LHFPL1: variants seen among roughly 807,000 people sequenced by gnomAD.
The protein encoded by LHFPL1 is LHFPL tetraspan subfamily member 1 protein.
In LHFPL1, 4 loss-of-function variants were observed where a neutral mutation model predicts 12.1. The ratio of observed to expected loss-of-function variants is 0.33; its 90% confidence interval spans 0.16 to 0.76. The LOEUF is 0.76. Ranked by LOEUF, LHFPL1 falls within the 30% of genes least tolerant of loss-of-function variation. The probability of loss-of-function intolerance (pLI) is 0.61; values close to 1 mark genes in which losing one functional copy is unlikely to be tolerated. For synonymous variants in LHFPL1, 52 were observed against 61.9 expected (o/e 0.84, Z 0.75); for missense variants, 141 against 174.1 (o/e 0.81, Z 1.07).
intron 3 of LHFPL1, among the ~76,000 whole-genome samples, chrX:112,645,422 GGAT>G (rs1284914754): frequency 1.1e-4 from 12 of 111,136 alleles, no homozygotes; most frequent in Admixed American, 2.9e-4. Context: ...ACTGGTATCA[GGAT>G]GATGATGATG....
At chrX:112,636,515 A>T (rs1930344730) in intron 3 of LHFPL1, among the ~76,000 whole-genome samples, 1 of 111,888 alleles carries the variant, frequency 8.9e-6, no homozygotes, top group South Asian at 3.7e-4. Context: ...CTCCCTTAAG[A>T]ACGGCCATGC....
At chrX:112,657,075 A>G (rs185560903) in intron 3 of LHFPL1, among the ~76,000 whole-genome samples, 30 of 112,859 alleles carry the variant, frequency 2.7e-4, no homozygotes, top group East Asian at 2.8e-4. Context: ...TTGAAAAATC[A>G]TAAGTCAAAC....
At chrX:112,632,667 A>AT (rs1268099708) in intron 3 of LHFPL1, among the ~76,000 whole-genome samples, 1 of 111,725 alleles carries the variant, frequency 9.0e-6, no homozygotes, top group Non-Finnish European at 1.9e-5. Flanking sequence ...ATGACAATTT[A>AT]TTTTTTAAAG....
intron 2 of LHFPL1, among the ~76,000 whole-genome samples, chrX:112,666,960 C>T (rs1039110684): frequency 8.9e-6 from 1 of 112,010 alleles, no homozygotes; most frequent in African/African-American, 3.3e-5. Flanking sequence ...AGCTCTGCTC[C>T]AATTTGCTAC....
At chrX:112,666,386 T>C (rs1256209393) in intron 2 of LHFPL1, among the ~76,000 whole-genome samples, 1 of 110,704 alleles carries the variant, frequency 9.0e-6, no homozygotes, top group Non-Finnish European at 1.9e-5. Flanking sequence ...ATGTCAAAAG[T>C]AGATCAGGGA....
At chrX:112,643,490 C>T (rs1383351743) in intron 3 of LHFPL1, among the ~76,000 whole-genome samples, 1 of 110,791 alleles carries the variant, frequency 9.0e-6, no homozygotes, top group Non-Finnish European at 1.9e-5. Flanking sequence ...CTTCACAGAG[C>T]AGCAGGAGAG....
intron 1 of LHFPL1, among the ~76,000 whole-genome samples, chrX:112,671,833 G>C (rs918007932): frequency 8.1e-5 from 9 of 111,713 alleles, no homozygotes; most frequent in African/African-American, 2.6e-4. Flanking sequence ...AGCTTGGAAG[G>C]AGGCAATATC....
chrX:112,656,453 C>T (rs757140513), intron 3 of LHFPL1, among the ~76,000 whole-genome samples: 60 of 110,885 alleles, frequency 5.4e-4, no homozygotes, highest in African/African-American at 1.6e-3. Context: ...ACCGCTAACA[C>T]CAGTGATAAG....
chrX:112,660,848 C>A, intron 2 of LHFPL1, 123 bp from the exon 3 acceptor site: 1 of 492,006 alleles, frequency 2.0e-6, no homozygotes, highest in South Asian at 3.8e-5. Flanking sequence ...CCCCCTTTAC[C>A]CTAAATTTCT....
intron 3 of LHFPL1, among the ~76,000 whole-genome samples, chrX:112,656,940 A>T (rs1409005285): frequency 1.8e-5 from 2 of 112,211 alleles, no homozygotes; most frequent in African/African-American, 6.5e-5. Flanking sequence ...GCTGTGGCTC[A>T]CTACTGTGGC....
chrX:112,641,952 C>T (rs1450996353), intron 3 of LHFPL1, among the ~76,000 whole-genome samples: 1 of 112,021 alleles, frequency 8.9e-6, no homozygotes, highest in Admixed American at 9.4e-5. Context: ...TAGCAGCTTT[C>T]ACTTGAAAGA....
In LHFPL1 at chrX:112,631,367, T is replaced by C; in HGVS notation, c.*53A>G. ...CAAATGGCCTAATCCTTAGTACCTCTTTTCAGGGCTCCCTCCTCCCCTTTC... is the reference window on the plus strand; with the variant it reads ...CAAATGGCCTAATCCTTAGTACCTCCTTTCAGGGCTCCCTCCTCCCCTTTC... On this transcript the variant is annotated 3_prime_UTR_variant, in exon 4 of 4. Transcript: ENST00000371968. 1.8e-6 allele frequency: 2 copies of C among 1,111,035 alleles called. No individual in the cohort carries two copies. Among genetic ancestry groups the C allele is most frequent in the Non-Finnish European group, 2.4e-6 (2 of 819,048 alleles). 91.6% of individuals were successfully genotyped at this position (1,111,035 alleles called of 1,213,427 possible).
chrX:112,668,012 C>T (rs1931385232), intron 2 of LHFPL1, among the ~76,000 whole-genome samples: 1 of 111,349 alleles, frequency 9.0e-6, no homozygotes, highest in African/African-American at 3.3e-5. Context: ...GGTTTGGGGT[C>T]TGGCAGAGAG....
At chrX:112,655,590 C>T (rs981419282) in intron 3 of LHFPL1, among the ~76,000 whole-genome samples, 2 of 111,647 alleles carry the variant, frequency 1.8e-5, no homozygotes, top group African/African-American at 6.5e-5. Flanking sequence ...CTCTATTCTC[C>T]TCCCTACCTT....
intron 2 of LHFPL1, among the ~76,000 whole-genome samples, chrX:112,662,200 C>T (rs753841944): frequency 1.8e-5 from 2 of 112,546 alleles, no homozygotes; most frequent in South Asian, 7.3e-4. Context: ...GGGAGGGACA[C>T]TTGTCATGAA....
rs1930172667 is a variant in LHFPL1, at chrX:112,631,040, A to G, written c.*380T>C. On this transcript the variant is annotated 3_prime_UTR_variant, in exon 4 of 4. Transcript: ENST00000371968. ...GAGATGTTTGGGGGTGACAATAAAT[A>G]CTTGGGAATGAACTGATGAACTGTG... 1 of 123,677 alleles carries G rather than the reference A, an allele frequency of 8.1e-6. No homozygotes were observed. The highest frequency in any genetic ancestry group is 1.6e-5 in the Non-Finnish European group (1 of 60,933). The allele number at this position is 123,677 out of a possible 1,213,427, so 10.2% of individuals were successfully genotyped here. A position where few individuals can be genotyped will look rare whatever the true frequency, so the allele number is the denominator to read the frequency against.
intron 1 of LHFPL1, 151 bp from the exon 2 acceptor site, chrX:112,671,555 G>C: frequency 3.6e-6 from 4 of 1,120,577 alleles, no homozygotes; most frequent in Non-Finnish European, 4.7e-6. Context: ...TTATTCTCTC[G>C]AGGACCATTT....
chrX:112,673,826 A>T (rs1201856400), intron 1 of LHFPL1, among the ~76,000 whole-genome samples: 2 of 111,750 alleles, frequency 1.8e-5, no homozygotes, highest in African/African-American at 3.3e-5. Flanking sequence ...ATGATTTCCC[A>T]TAGAGATTTT....
chrX:112,636,701 A>G (rs976807418), intron 3 of LHFPL1, among the ~76,000 whole-genome samples: 1 of 111,981 alleles, frequency 8.9e-6, no homozygotes, highest in Non-Finnish European at 1.9e-5. Context: ...ATTTGAATAA[A>G]TGTTTTAACT....
Sources: allele counts gnomAD v4.1 joint callset (sites outside exome capture counted in the v4.1 genomes callset), GRCh38; gene constraint gnomAD v4.1.1; transcripts MANE v1.5; gene names NCBI Gene and HGNC (gene_info 2026-07-23, HGNC 2026-07-21).